Variants in RAB40B observed in about 807,000 individuals in gnomAD.
RAB40B encodes RAB40B, member RAS oncogene family.
A neutral mutation model predicts 24.0 loss-of-function variants in RAB40B; 21 were observed. The observed-to-expected ratio is 0.88, with a 90% confidence interval of 0.62 to 1.26. The LOEUF is 1.26. Among genes scored for constraint, RAB40B ranks in the 50% most tolerant of loss-of-function variants. The pLI is 0.00. For missense variants in RAB40B, 348 were observed against 390.5 expected, an observed-to-expected ratio of 0.89 and a Z score of 0.92; for synonymous variants, 167 against 169.8, an observed-to-expected ratio of 0.98 and a Z score of 0.13.
rs766722986 is a variant in RAB40B, at chr17:82,697,862, C to G, written c.142+593G>C. On this transcript the variant is annotated intron_variant, in intron 1 of 5. Coordinates refer to ENST00000571995, the MANE Select transcript of RAB40B (RefSeq NM_006822.3). This position sits in a 1 kb window ranked among gnomAD's most constrained non-coding sequence, Gnocchi z 4.9. Reference sequence around the variant, plus strand: ...CGTGGGGGGTCCCCTCTTCCGCACGCGAGTCACCTGTGCTCCTTCCTCTCC... The same window carrying G: ...CGTGGGGGGTCCCCTCTTCCGCACGGGAGTCACCTGTGCTCCTTCCTCTCC... Among the ~76,000 whole-genome samples the G allele has an allele frequency of 6.6e-6, 1 of 152,218 alleles. No individual in the cohort carries two copies. Among genetic ancestry groups the G allele is most frequent in the African/African-American group, 2.4e-5 (1 of 41,458 alleles).
chr17:82,674,652 A>G (rs1446307415), intron 1 of RAB40B, among the ~76,000 whole-genome samples: 1 of 133,288 alleles, frequency 7.5e-6, no homozygotes, highest in Non-Finnish European at 1.6e-5. Context: ...AAAAAAAAAA[A>G]GAAAAGAAAA....
chr17:82,679,894 G>A (rs529731276), intron 1 of RAB40B, among the ~76,000 whole-genome samples: 78 of 152,374 alleles, frequency 5.1e-4, no homozygotes, highest in Admixed American at 1.7e-3. Context: ...GCTGCGGGGT[G>A]AACGCAGTCG....
Position 82,697,478 on chromosome 17 carries a change from C to T in RAB40B, c.142+977G>A, listed in dbSNP as rs1007643455. Among the ~76,000 whole-genome samples the T allele has an allele frequency of 3.9e-5, 6 of 152,302 alleles. No individual in the cohort carries two copies. The East Asian group carries it at 1.2e-3, about 29-fold the overall frequency. On this transcript the variant is annotated intron_variant, in intron 1 of 5. Coordinates refer to ENST00000571995, the MANE Select transcript of RAB40B (RefSeq NM_006822.3). This position sits in a 1 kb window ranked among gnomAD's most constrained non-coding sequence, Gnocchi z 4.9. ...ATCTCCACGCCCGGCTGCCCTCCTCCGCCCAGGACTCAGAGCGGGTCTCTG... is the reference window on the plus strand; with the variant it reads ...ATCTCCACGCCCGGCTGCCCTCCTCTGCCCAGGACTCAGAGCGGGTCTCTG...
rs2143569651 is a variant in RAB40B at position 82,697,322 on chromosome 17, AC to A, written c.142+1132del. ...CCTTAGGGGACAGCCTGCACCCTCT[AC>A]CGAGCAGCCTCAGATCCCGCTTCCT... is the stretch of plus-strand genomic sequence containing the variant. On this transcript the variant is annotated intron_variant, in intron 1 of 5. Coordinates refer to ENST00000571995, the MANE Select transcript of RAB40B (RefSeq NM_006822.3). The surrounding 1 kb of genome is among the most constrained non-coding windows in gnomAD (Gnocchi z 4.9). Among the ~76,000 whole-genome samples, 1 of 151,906 alleles carries A rather than the reference AC, an allele frequency of 6.6e-6. No homozygotes were observed. The highest frequency in any genetic ancestry group is 1.9e-4 in the East Asian group (1 of 5,146).
intron 1 of RAB40B, among the ~76,000 whole-genome samples, chr17:82,669,643 ACT>A (rs1208233866): frequency 6.6e-6 from 1 of 151,980 alleles, no homozygotes; most frequent in South Asian, 2.1e-4. Context: ...ACAGAGTGAG[ACT>A]CTGTCTCTAA....
chr17:82,678,751 G>A (rs1444817724), intron 1 of RAB40B, among the ~76,000 whole-genome samples: 2 of 152,174 alleles, frequency 1.3e-5, no homozygotes, highest in African/African-American at 2.4e-5. Flanking sequence ...ACAGCACAGG[G>A]CTCCTGGAAG....
intron 1 of RAB40B, among the ~76,000 whole-genome samples, chr17:82,698,092 G>T (rs1264589497): frequency 3.9e-5 from 6 of 151,904 alleles, no homozygotes; most frequent in Non-Finnish European, 8.8e-5. Flanking sequence ...CCACAGCAGC[G>T]GCCCCAGGTC....
rs1394325757 is a variant in RAB40B at position 82,692,279 on chromosome 17, T to C, written c.142+6176A>G. ...AGAGCAGTGGGGTCCACATAGTCTG[T>C]GGAGTCAAGTTGCCGACAGGGTCCA... is the stretch of plus-strand genomic sequence containing the variant. On this transcript the variant is annotated intron_variant, in intron 1 of 5. Coordinates refer to ENST00000571995, the MANE Select transcript of RAB40B (RefSeq NM_006822.3). The surrounding 1 kb of genome is among the most constrained non-coding windows in gnomAD (Gnocchi z 4.0). Among the ~76,000 whole-genome samples the C allele has an allele frequency of 6.6e-6, 1 of 152,066 alleles. No individual in the cohort carries two copies. Among genetic ancestry groups the C allele is most frequent in the Non-Finnish European group, 1.5e-5 (1 of 68,004 alleles).
At chr17:82,670,534 A>ATTT (rs200923067) in intron 1 of RAB40B, among the ~76,000 whole-genome samples, 1 of 129,790 alleles carries the variant, frequency 7.7e-6, no homozygotes. Context: ...AGAATTCCTG[A>ATTT]TTTTTTTTTT....
rs2046080019 is a variant in RAB40B at position 82,655,351 on chromosome 17, G to A, written c.*2512C>T. The A allele has an allele frequency of 6.6e-6, 1 of 152,086 alleles. No homozygotes were observed. The highest frequency in any genetic ancestry group is 1.5e-5 in the Non-Finnish European group (1 of 68,016). 9.4% of individuals were successfully genotyped at this position (152,086 alleles called of 1,614,324 possible). ...AGGCCTCCGGGCGGCCCGTGCATTC[G>A]GTGAACACCTCCAAAGAGCTCTGAG... On this transcript the variant is annotated 3_prime_UTR_variant, in exon 6 of 6. Transcript: ENST00000571995.
intron 1 of RAB40B, among the ~76,000 whole-genome samples, chr17:82,666,670 T>C (rs563320433): frequency 5.3e-5 from 8 of 152,106 alleles, no homozygotes; most frequent in Non-Finnish European, 1.5e-5. Context: ...GCACCAGGTC[T>C]GTCATTGAGA....
rs561796625 is a variant in RAB40B at position 82,693,277 on chromosome 17, G to C, written c.142+5178C>G. Among the ~76,000 whole-genome samples the C allele has an allele frequency of 4.1e-4, 63 of 152,110 alleles. No homozygotes were observed. In the South Asian group the frequency reaches 0.012, roughly 29 times the overall value. On this transcript the variant is annotated intron_variant, in intron 1 of 5. Transcript: ENST00000571995. ...CCGCCTCGGCCTCTGAAAGTGCTGG[G>C]ATTGCAGACGTGAGCCACCAGGCCC...
chr17:82,670,646 T>A (rs1341156130), intron 1 of RAB40B, among the ~76,000 whole-genome samples: 1 of 151,748 alleles, frequency 6.6e-6, no homozygotes, highest in East Asian at 1.9e-4. Context: ...GGGATTCTCC[T>A]GTCTCAGCCT....
In RAB40B at chr17:82,657,909, TG is replaced by T. The variant is rs750486067; in HGVS notation, c.790del (p.Gln264ArgfsTer88). On this transcript the variant is annotated frameshift_variant, in exon 6 of 6. Coordinates refer to ENST00000571995, the MANE Select transcript of RAB40B (RefSeq NM_006822.3). LOFTEE classifies it high-confidence loss of function. ...LRKVKLVRPP[Q>X]SPPKNCTRNS... The stretch of plus-strand genomic sequence containing the variant: ...TCTGGTGCAGTTTTTGGGGGGGCTC[TG>T]GGGGGGGCGGACGAGCTTCACTTTG... 14 of 372,022 alleles carry T rather than the reference TG, an allele frequency of 3.8e-5. No homozygotes were observed. The highest frequency in any genetic ancestry group is 4.5e-5 in the Non-Finnish European group (11 of 245,080). 23.0% of individuals were successfully genotyped at this position (372,022 alleles called of 1,614,324 possible).
rs539078382 is a variant in RAB40B at position 82,683,050 on chromosome 17, G to T, written c.142+15405C>A. 3.3e-5 allele frequency among the ~76,000 whole-genome samples: 5 copies of T among 152,342 alleles called. No homozygotes were observed. The East Asian group carries it at 9.6e-4, about 29-fold the overall frequency. ...CCCAGGTACTCGGGAGGCTGAGGCA[G>T]GAGAATTGCTTGAATCCGGGAGATG... On this transcript the variant is annotated intron_variant, in intron 1 of 5. Coordinates refer to ENST00000571995, the MANE Select transcript of RAB40B (RefSeq NM_006822.3).
chr17:82,681,872 C>T (rs12937622), intron 1 of RAB40B, among the ~76,000 whole-genome samples: 1 of 151,906 alleles, frequency 6.6e-6, no homozygotes, highest in Non-Finnish European at 1.5e-5. Context: ...ATTCCCTTAA[C>T]CTGATAAAGT....
chr17:82,683,102 C>T (rs2046462290), intron 1 of RAB40B, among the ~76,000 whole-genome samples: 1 of 152,190 alleles, frequency 6.6e-6, no homozygotes, highest in Admixed American at 6.5e-5. Flanking sequence ...GAGATCATGC[C>T]ACTGCATTCC....
intron 1 of RAB40B, among the ~76,000 whole-genome samples, chr17:82,684,972 G>A (rs545162634): frequency 6.6e-6 from 1 of 151,716 alleles, no homozygotes; most frequent in South Asian, 2.1e-4. Flanking sequence ...AAATTACCCG[G>A]GCGTGGTGGC....
At chr17:82,682,145 G>T (rs897766976) in intron 1 of RAB40B, among the ~76,000 whole-genome samples, 3 of 150,614 alleles carry the variant, frequency 2.0e-5, no homozygotes, top group Non-Finnish European at 3.0e-5. Flanking sequence ...ACACAGGCAC[G>T]CATGCACACA....
Sources: allele counts gnomAD v4.1 joint callset (sites outside exome capture counted in the v4.1 genomes callset), GRCh38; gene constraint gnomAD v4.1.1; non-coding constraint Gnocchi (gnomAD v3.1); transcripts MANE v1.5; gene names NCBI Gene and HGNC (gene_info 2026-07-23, HGNC 2026-07-21).